Variants in ANKS1A observed in about 807,000 individuals in gnomAD.
ANKS1A encodes ankyrin repeat and SAM domain-containing protein 1A.
A neutral mutation model predicts 120.3 loss-of-function variants in ANKS1A; 55 were observed. The observed-to-expected ratio is 0.46, with a 90% CI of 0.37 to 0.57. The LOEUF is 0.57. Among genes scored for constraint, ANKS1A ranks in the 20% least tolerant of loss-of-function variants. ANKS1A has a pLI of 0.00. For missense variants in ANKS1A, 1,123 were observed against 1,480.3 expected (o/e 0.76, Z 3.96); for synonymous variants, 590 against 604.7 (o/e 0.98, Z 0.36).
chr6:35,027,231 G>A (rs775398572), intron 11 of ANKS1A, among the ~76,000 whole-genome samples: 34 of 152,304 alleles, frequency 2.2e-4, no homozygotes, highest in Admixed American at 5.9e-4. Flanking sequence ...TGAGTTGAGG[G>A]TATGCCACCA....
chr6:35,067,523 G>C (rs950731717), intron 13 of ANKS1A, among the ~76,000 whole-genome samples: 1 of 152,184 alleles, frequency 6.6e-6, no homozygotes. Context: ...GGTGAGTGAC[G>C]GGCGTGCTTG....
rs557197226 is a variant in ANKS1A at position 34,906,783 on chromosome 6, T to A, written c.197+17184T>A. On this transcript the variant is annotated intron_variant, in intron 1 of 23. Coordinates refer to ENST00000360359, the MANE Select transcript of ANKS1A (RefSeq NM_015245.3). ...TAATTCCTATGGCAGCTTCAACCGA[T>A]GTCCACTTGTTCTTTGGTAGTCCTC... Among the ~76,000 whole-genome samples the A allele has an allele frequency of 3.9e-5, 6 of 152,358 alleles. No individual in the cohort carries two copies. In the South Asian group the frequency reaches 1.2e-3, roughly 32 times the overall value.
chr6:34,956,983 G>A (rs966897425), intron 1 of ANKS1A, among the ~76,000 whole-genome samples: 10 of 152,270 alleles, frequency 6.6e-5, no homozygotes, highest in African/African-American at 2.2e-4. Flanking sequence ...CTGCCACCTG[G>A]TGCCCCTAAT....
At chr6:35,055,502 G>GT (rs1441391327) in intron 12 of ANKS1A, among the ~76,000 whole-genome samples, 1 of 151,998 alleles carries the variant, frequency 6.6e-6, no homozygotes, top group Non-Finnish European at 1.5e-5. Context: ...GCTGATTTTT[G>GT]TATTTTTAGT....
chr6:34,981,597 A>AT, intron 3 of ANKS1A, 93 bp from the exon 4 acceptor site: 1 of 1,384,090 alleles, frequency 7.2e-7, no homozygotes, highest in South Asian at 1.4e-5. Flanking sequence ...TATTTTTCTC[A>AT]TTTAAACTTC....
intron 1 of ANKS1A, among the ~76,000 whole-genome samples, chr6:34,937,272 A>G (rs1581718165): frequency 6.6e-6 from 1 of 152,036 alleles, no homozygotes; most frequent in Admixed American, 6.6e-5. Context: ...GGAGTTTGAG[A>G]CCAGCCTGTG....
chr6:34,954,067 T>A (rs1051653469), intron 1 of ANKS1A, among the ~76,000 whole-genome samples: 1 of 152,214 alleles, frequency 6.6e-6, no homozygotes, highest in African/African-American at 2.4e-5. Flanking sequence ...TATATGTTAA[T>A]CCTCATGAAT....
chr6:34,978,758 T>A lies in ANKS1A; in HGVS notation c.436-2932T>A, dbSNP rs1771741707. On this transcript the variant is annotated intron_variant, in intron 3 of 23. Coordinates refer to ENST00000360359, the MANE Select transcript of ANKS1A (RefSeq NM_015245.3). The stretch of plus-strand genomic sequence containing the variant: ...AGGCGGAGGTTGCGGTGAGCCGAGA[T>A]CATGCCATTGCACCCCAGCCTGGGC... Among the ~76,000 whole-genome samples the A allele has an allele frequency of 2.3e-5, 3 of 132,088 alleles. No homozygotes were observed. In the South Asian group the frequency reaches 7.6e-4, roughly 33 times the overall value. 86.7% of individuals were successfully genotyped at this position (132,088 alleles called of 152,430 possible).
chr6:35,066,381 T>A (rs1339902505), intron 13 of ANKS1A, among the ~76,000 whole-genome samples: 1 of 121,312 alleles, frequency 8.2e-6, no homozygotes, highest in African/African-American at 3.1e-5. Context: ...ACTCACTTGG[T>A]CCCAGCAGAT....
rs1777730372 is a variant in ANKS1A, at chr6:35,082,359, C to G, written c.2710-332C>G. Among the ~76,000 whole-genome samples the G allele has an allele frequency of 6.6e-6, 1 of 152,166 alleles. No homozygotes were observed. The highest frequency in any genetic ancestry group is 1.5e-5 in the Non-Finnish European group (1 of 68,028). ...CTCCTTTGGTCTTTGTGCAGAACAG[C>G]CTGGCAGCCTGTGCCCCCCACACAG... is the stretch of plus-strand genomic sequence containing the variant. On this transcript the variant is annotated intron_variant, in intron 17 of 23. Transcript: ENST00000360359. This position sits in a 1 kb window ranked among gnomAD's most constrained non-coding sequence, Gnocchi z 4.1.
At chr6:34,911,123 A>G (rs1287203737) in intron 1 of ANKS1A, among the ~76,000 whole-genome samples, 3 of 152,192 alleles carry the variant, frequency 2.0e-5, no homozygotes. Context: ...AAGCAGGCAG[A>G]TAAGTCAAAC....
chr6:34,962,046 TGAAAATAAGTGTGACAATG>T (rs2127501839), intron 1 of ANKS1A, among the ~76,000 whole-genome samples: 1 of 152,330 alleles, frequency 6.6e-6, no homozygotes, highest in East Asian at 1.9e-4. Flanking sequence ...TGTGGCAATT[TGAAAATAAGTGTGACAATG>T]GTACCTCACA....
chr6:35,068,628 C>G (rs952463668), intron 13 of ANKS1A, among the ~76,000 whole-genome samples: 80 of 152,318 alleles, frequency 5.3e-4, no homozygotes, highest in Non-Finnish European at 1.2e-4. Context: ...TTAGGAGGGT[C>G]CCTTCCCACA....
Position 35,090,485 on chromosome 6 carries a change from G to A in ANKS1A, c.*1876G>A, listed in dbSNP as rs1269929654. On this transcript the variant is annotated 3_prime_UTR_variant, in exon 24 of 24. Coordinates refer to ENST00000360359, the MANE Select transcript of ANKS1A (RefSeq NM_015245.3). ...TTTTGTGCTTAGATCATCCATAGGT[G>A]TTTCTTCTGCTTGAAGCTGCTATAT... is the stretch of plus-strand genomic sequence containing the variant. The A allele has an allele frequency of 2.7e-6, 3 of 1,102,134 alleles. No homozygotes were observed. In the African/African-American group the frequency reaches 4.9e-5, roughly 18 times the overall value. 68.3% of individuals were successfully genotyped at this position (1,102,134 alleles called of 1,614,324 possible).
chr6:35,085,731 A>C lies in ANKS1A; in HGVS notation c.3133-35A>C. 6.5e-7 allele frequency: 1 copy of C among 1,545,692 alleles called. No homozygotes were observed. Among genetic ancestry groups the C allele is most frequent in the Non-Finnish European group, 8.7e-7 (1 of 1,146,508 alleles). On this transcript the variant is annotated intron_variant, in intron 21 of 23. Coordinates refer to ENST00000360359, the MANE Select transcript of ANKS1A (RefSeq NM_015245.3). This position sits in a 1 kb window ranked among gnomAD's most constrained non-coding sequence, Gnocchi z 4.7. The stretch of plus-strand genomic sequence containing the variant: ...ATATCCAGTGTGAAGCGGCTCCTGA[A>C]CCAGGTGCTTAAGTGGTGATCTGCT...
chr6:34,913,034 C>T (rs553217183), intron 1 of ANKS1A, among the ~76,000 whole-genome samples: 13 of 152,266 alleles, frequency 8.5e-5, no homozygotes, highest in African/African-American at 1.4e-4. Context: ...TCTTTTCAAA[C>T]GTTTACTGAG....
chr6:34,986,000 A>G (rs1278122720), intron 8 of ANKS1A, among the ~76,000 whole-genome samples: 1 of 152,230 alleles, frequency 6.6e-6, no homozygotes. Flanking sequence ...TGCAGGCAAT[A>G]CACCTAACCT....
At chr6:34,946,462 C>A (rs1364793797) in intron 1 of ANKS1A, among the ~76,000 whole-genome samples, 1 of 151,780 alleles carries the variant, frequency 6.6e-6, no homozygotes, top group African/African-American at 2.4e-5. Flanking sequence ...GTGGTGTGTG[C>A]CTTTAGTCCC....
rs564984215 is a variant in ANKS1A, at chr6:34,979,117, G to A, written c.436-2573G>A. 8.5e-4 allele frequency among the ~76,000 whole-genome samples: 129 copies of A among 152,062 alleles called. 1 individual carries two copies. The highest frequency in any genetic ancestry group is 1.0e-3 in the South Asian group (5 of 4,818). ...TCACTGTGTTAGCCAGGATGGTCTCGATCTCATGACCTCGTGATCCGCCTG... is the reference window on the plus strand; with the variant it reads ...TCACTGTGTTAGCCAGGATGGTCTCAATCTCATGACCTCGTGATCCGCCTG... On this transcript the variant is annotated intron_variant, in intron 3 of 23. Coordinates refer to ENST00000360359, the MANE Select transcript of ANKS1A (RefSeq NM_015245.3).
Sources: gnomAD v4.1 joint callset for allele counts (sites outside exome capture counted in the v4.1 genomes callset) on GRCh38, gnomAD v4.1.1 for gene constraint, Gnocchi (gnomAD v3.1) non-coding constraint, MANE v1.5 for transcripts, NCBI Gene and HGNC (gene_info 2026-07-23, HGNC 2026-07-21) for gene names.